Variants in TG observed in about 807,000 individuals in gnomAD.
TG encodes thyroglobulin.
TG carries 270 observed loss-of-function variants against 324.7 expected under a neutral mutation model. The observed-to-expected ratio is 0.83, with a 90% CI of 0.75 to 0.92. TG has a LOEUF of 0.92. Among genes scored for constraint, TG ranks in the 40% least tolerant of loss-of-function variants. The probability of loss-of-function intolerance (pLI) is 0.00; values close to 1 mark genes in which losing one functional copy is unlikely to be tolerated. For synonymous variants in TG, 1,401 were observed against 1,327.0 expected, an observed-to-expected ratio of 1.06 and a Z score of -1.21; for missense variants, 3,591 against 3,456.4, an observed-to-expected ratio of 1.04 and a Z score of -0.98.
chr8:133,103,478 T>A (rs2131705261), intron 43 of TG, among the ~76,000 whole-genome samples: 1 of 152,316 alleles, frequency 6.6e-6, no homozygotes, highest in South Asian at 2.1e-4. Flanking sequence ...CAGAGAAAGC[T>A]GAGGATCAGA....
intron 37 of TG, among the ~76,000 whole-genome samples, chr8:133,016,626 G>A (rs899985756): frequency 9.2e-5 from 14 of 152,326 alleles, no homozygotes; most frequent in South Asian, 2.1e-4. Context: ...TCAATCAGCC[G>A]AGAGTGGAGT....
intron 41 of TG, among the ~76,000 whole-genome samples, chr8:133,033,145 C>T (rs1199018499): frequency 6.6e-6 from 1 of 152,170 alleles, no homozygotes; most frequent in Non-Finnish European, 1.5e-5. Context: ...AAACACTTCA[C>T]CTTGTATTCT....
chr8:133,092,680 G>A lies in TG; in HGVS notation c.7240-2364G>A, dbSNP rs974216939. 9.9e-5 allele frequency among the ~76,000 whole-genome samples: 15 copies of A among 152,266 alleles called. No individual in the cohort carries two copies. The East Asian group carries it at 2.9e-3, about 29-fold the overall frequency. On this transcript the variant is annotated intron_variant, in intron 41 of 47. Coordinates refer to ENST00000220616, the MANE Select transcript of TG (RefSeq NM_003235.5). Reference sequence around the variant, plus strand: ...CACTTCATCAGGGAGTGACACAGCTGGGGTTCAAACCGAGCCCTTCTGCCC... The same window carrying A: ...CACTTCATCAGGGAGTGACACAGCTAGGGTTCAAACCGAGCCCTTCTGCCC...
intron 47 of TG, 71 bp from the exon 48 acceptor site, chr8:133,134,605 C>T (rs1395851001): frequency 2.6e-5 from 37 of 1,407,686 alleles, no homozygotes; most frequent in Non-Finnish European, 3.5e-5. Flanking sequence ...CTCTTTGGGA[C>T]AAAAGGAAGG....
At chr8:132,949,023 C>A (rs1825737609) in intron 27 of TG, 80 bp downstream of exon 27, 1 of 1,380,134 alleles carries the variant, frequency 7.2e-7, no homozygotes, top group Non-Finnish European at 1.0e-6. Flanking sequence ...TCTTATGAGC[C>A]CTCCTTGTGG....
At position 132,990,915 on chromosome 8, in the gene TG, GTTT is replaced by G. The variant is rs35213262; in HGVS notation, c.6262+7520_6262+7522del. ...GAGATGAAGTTTAGTAGGAAGGCCA[GTTT>G]TTTTTTTTTTTTTTTTAGCAAAAAG... On this transcript the variant is annotated intron_variant, in intron 35 of 47. Transcript: ENST00000220616. Among the ~76,000 whole-genome samples, 46 of 136,092 alleles carry G rather than the reference GTTT, an allele frequency of 3.4e-4. 1 individual carries two copies. Among genetic ancestry groups the G allele is most frequent in the South Asian group, 7.5e-4 (3 of 4,018 alleles). 89.3% of individuals were successfully genotyped at this position (136,092 alleles called of 152,430 possible). A position where few individuals can be genotyped will look rare whatever the true frequency, so the allele number is the denominator to read the frequency against.
At chr8:133,026,528 CT>C (rs2130968298) in intron 40 of TG, among the ~76,000 whole-genome samples, 1 of 152,352 alleles carries the variant, frequency 6.6e-6, no homozygotes, top group Non-Finnish European at 1.5e-5. Context: ...TTGTTCCTCT[CT>C]GTCTGGCAAA....
At position 132,871,683 on chromosome 8, in the gene TG, C is replaced by T. The variant is rs572602710; in HGVS notation, c.478+132C>T. 1.1e-5 allele frequency: 9 copies of T among 818,780 alleles called. No homozygotes were observed. The East Asian group carries it at 2.4e-4, about 22-fold the overall frequency. 50.7% of individuals were successfully genotyped at this position (818,780 alleles called of 1,614,324 possible). ...AGGCCCTCATTAGGGAAAATGAAAG[C>T]TTCAAAGGGAAGGTTTTATTATTCT... On this transcript the variant is annotated intron_variant, in intron 4 of 47. Coordinates refer to ENST00000220616, the MANE Select transcript of TG (RefSeq NM_003235.5).
chr8:133,028,414 G>A (rs1056830222), intron 40 of TG, among the ~76,000 whole-genome samples: 2 of 152,222 alleles, frequency 1.3e-5, no homozygotes, highest in African/African-American at 4.8e-5. Flanking sequence ...AGAATAATTT[G>A]TGTCGTTATG....
At chr8:133,040,044 G>T in intron 41 of TG, 1 of 1,552,666 alleles carries the variant, frequency 6.4e-7, no homozygotes, top group Non-Finnish European at 8.7e-7. Flanking sequence ...AAGGTGACAG[G>T]TGAGCTGGAG....
At chr8:133,039,940 A>G in intron 41 of TG, 1 of 1,514,558 alleles carries the variant, frequency 6.6e-7, no homozygotes, top group Non-Finnish European at 8.8e-7. Flanking sequence ...ACATGTTCAC[A>G]GAGCACTTGC....
chr8:133,018,091 T>C (rs1467057567), intron 38 of TG, 94 bp downstream of exon 38: 1 of 1,258,048 alleles, frequency 7.9e-7, no homozygotes, highest in African/African-American at 1.5e-5. Flanking sequence ...GAGCAGTGCA[T>C]TTTGGATAAA....
rs577614060 is a variant in TG, at chr8:132,908,129, A to C, written c.3848-57A>C. On this transcript the variant is annotated intron_variant, in intron 17 of 47. Coordinates refer to ENST00000220616, the MANE Select transcript of TG (RefSeq NM_003235.5). ...TATTTTTGCAGAGGAAATCCCAAAC[A>C]AAGAAAATAACTCTACAGGCCCATT... The C allele has an allele frequency of 2.9e-5, 46 of 1,603,364 alleles. No individual in the cohort carries two copies. In the South Asian group the frequency reaches 5.0e-4, roughly 17 times the overall value.
At chr8:132,957,916 G>A (rs1827167988) in intron 27 of TG, among the ~76,000 whole-genome samples, 1 of 152,120 alleles carries the variant, frequency 6.6e-6, no homozygotes, top group Non-Finnish European at 1.5e-5. Flanking sequence ...CACCCTATTT[G>A]TAGTCATTTA....
chr8:132,944,490 G>A (rs1824939005), intron 26 of TG, among the ~76,000 whole-genome samples: 1 of 152,214 alleles, frequency 6.6e-6, no homozygotes, highest in African/African-American at 2.4e-5. Flanking sequence ...CTATGAAAGA[G>A]TTATTTATCC....
chr8:133,035,097 A>G (rs147097546), intron 41 of TG, among the ~76,000 whole-genome samples: 1 of 152,108 alleles, frequency 6.6e-6, no homozygotes, highest in Non-Finnish European at 1.5e-5. Context: ...TTGGTTATCT[A>G]TTGTTCCTTT....
In TG at chr8:132,888,144, G is replaced by A; in HGVS notation, c.2337G>A (p.Glu779=). 6.2e-7 allele frequency: 1 copy of A among 1,614,090 alleles called. No individual in the cohort carries two copies. Residue 779 remains glutamate, a synonymous_variant, in exon 10 of 48, where the codon GAG becomes GAA. Coordinates refer to ENST00000220616, the MANE Select transcript of TG (RefSeq NM_003235.5). Reference sequence around the variant, plus strand: ...AAGTGCAATGCAATGGGCCTCCTGAGCAGGTCTTCGAGTTGTACCAACGAT... The same window carrying A: ...AAGTGCAATGCAATGGGCCTCCTGAACAGGTCTTCGAGTTGTACCAACGAT... ...WRQVQCNGPP[E]QVFELYQRWE... is the part of the protein sequence containing the mutation.
intron 23 of TG, among the ~76,000 whole-genome samples, chr8:132,930,406 C>T (rs1362945587): frequency 6.6e-6 from 1 of 152,126 alleles, no homozygotes; most frequent in Non-Finnish European, 1.5e-5. Flanking sequence ...GCAGGCAGGG[C>T]GTGGTAGCTC....
intron 37 of TG, among the ~76,000 whole-genome samples, chr8:133,016,813 G>A (rs1347160450): frequency 6.6e-6 from 1 of 152,222 alleles, no homozygotes; most frequent in Non-Finnish European, 1.5e-5. Context: ...CCCAACAAAA[G>A]TTTACCAGAT....
Sources: gnomAD v4.1 joint callset for allele counts (sites outside exome capture counted in the v4.1 genomes callset) on GRCh38, gnomAD v4.1.1 for gene constraint, MANE v1.5 for transcripts, NCBI Gene and HGNC (gene_info 2026-07-23, HGNC 2026-07-21) for gene names.